Variants in TMTC2 observed in about 807,000 individuals in gnomAD.
The protein encoded by TMTC2 is protein O-mannosyl-transferase TMTC2.
Under a neutral mutation model 82.4 loss-of-function variants are expected in TMTC2, and 43 were observed. The observed-to-expected ratio is 0.52, with a 90% CI of 0.41 to 0.67. TMTC2 has a LOEUF of 0.67. TMTC2 is among the 30% of genes least tolerant of loss of function. TMTC2 has a pLI of 0.00. For missense variants in TMTC2, 919 were observed against 1,012.4 expected, an observed-to-expected ratio of 0.91 and a Z score of 1.25; for synonymous variants, 408 against 381.9, an observed-to-expected ratio of 1.07 and a Z score of -0.80.
chr12:82,867,635 G>A (rs926620939), intron 2 of TMTC2, among the ~76,000 whole-genome samples: 3 of 152,048 alleles, frequency 2.0e-5, no homozygotes, highest in African/African-American at 7.2e-5. Context: ...TCAATTTTGT[G>A]TATTTAAGAA....
intron 11 of TMTC2, among the ~76,000 whole-genome samples, chr12:83,069,813 T>C (rs1369939226): frequency 1.3e-5 from 2 of 152,182 alleles, no homozygotes; most frequent in Non-Finnish European, 2.9e-5. Context: ...GGATTTTTTA[T>C]AGTTTCAGGT....
intron 1 of TMTC2, among the ~76,000 whole-genome samples, chr12:82,847,496 G>A (rs912991709): frequency 6.6e-6 from 1 of 152,066 alleles, no homozygotes; most frequent in East Asian, 1.9e-4. Flanking sequence ...ACATGCACAC[G>A]TATGTTTATT....
At chr12:82,693,009 T>G (rs1188731648) in intron 1 of TMTC2, among the ~76,000 whole-genome samples, 2 of 152,216 alleles carry the variant, frequency 1.3e-5, no homozygotes, top group Non-Finnish European at 1.5e-5. Context: ...TGAATATTAC[T>G]ACATATGAGC....
rs1369210472 is a variant in TMTC2 at position 82,979,365 on chromosome 12, T to C, written c.1949-6560T>C. Among the ~76,000 whole-genome samples the C allele has an allele frequency of 5.3e-5, 8 of 151,868 alleles. No individual in the cohort carries two copies. In the South Asian group the frequency reaches 1.4e-3, roughly 28 times the overall value. ...ATATGATTTTAGTTTAAGGTTATAA[T>C]GAAGCTTGCAAATAATATTTCATAA... On this transcript the variant is annotated intron_variant, in intron 7 of 11. Coordinates refer to ENST00000321196, the MANE Select transcript of TMTC2 (RefSeq NM_152588.3).
intron 2 of TMTC2, among the ~76,000 whole-genome samples, chr12:82,863,169 A>G (rs1871636160): frequency 6.6e-6 from 1 of 151,962 alleles, no homozygotes; most frequent in Admixed American, 6.6e-5. Flanking sequence ...CCCCCCCCCA[A>G]TATCAATTGC....
In TMTC2 at chr12:82,701,312, T is replaced by C. The variant is rs1281197933; in HGVS notation, c.83+13643T>C. On this transcript the variant is annotated intron_variant, in intron 1 of 11. Coordinates refer to ENST00000321196, the MANE Select transcript of TMTC2 (RefSeq NM_152588.3). Reference sequence around the variant, plus strand: ...CCCGAATCTCAGGAATACTTTTATGTACTGTTTGTTTTACAGTAAGCAGCA... The same window carrying C: ...CCCGAATCTCAGGAATACTTTTATGCACTGTTTGTTTTACAGTAAGCAGCA... Among the ~76,000 whole-genome samples, 5 of 152,334 alleles carry C rather than the reference T, an allele frequency of 3.3e-5. No individual in the cohort carries two copies. In the East Asian group the frequency reaches 9.6e-4, roughly 29 times the overall value.
At chr12:82,731,651 A>G (rs1411409533) in intron 1 of TMTC2, among the ~76,000 whole-genome samples, 2 of 152,204 alleles carry the variant, frequency 1.3e-5, no homozygotes, top group African/African-American at 4.8e-5. Flanking sequence ...GCTTTATTTT[A>G]GGCAAAGTGA....
intron 11 of TMTC2, among the ~76,000 whole-genome samples, chr12:83,075,015 G>T (rs1450924855): frequency 6.6e-6 from 1 of 152,176 alleles, no homozygotes; most frequent in Non-Finnish European, 1.5e-5. Flanking sequence ...GGCAGGAATG[G>T]CCTGCTTGGG....
At chr12:82,944,904 T>C (rs1876917417) in intron 4 of TMTC2, among the ~76,000 whole-genome samples, 1 of 152,226 alleles carries the variant, frequency 6.6e-6, no homozygotes, top group Non-Finnish European at 1.5e-5. Context: ...ATGAAATATA[T>C]GGACACAAAG....
chr12:83,037,562 A>G (rs1437198267), intron 9 of TMTC2, among the ~76,000 whole-genome samples: 1 of 152,200 alleles, frequency 6.6e-6, no homozygotes, highest in Non-Finnish European at 1.5e-5. Context: ...GAGCATCAGC[A>G]ATACACAGAT....
intron 1 of TMTC2, among the ~76,000 whole-genome samples, chr12:82,801,414 C>G (rs372551796): frequency 6.6e-6 from 1 of 152,014 alleles, no homozygotes; most frequent in Non-Finnish European, 1.5e-5. Context: ...AAGCTTCCAC[C>G]GTGTAGAAGG....
intron 1 of TMTC2, among the ~76,000 whole-genome samples, chr12:82,854,427 A>G (rs959850512): frequency 1.1e-4 from 16 of 151,998 alleles, no homozygotes; most frequent in Non-Finnish European, 7.4e-5. Flanking sequence ...TGGAACTCCA[A>G]CCATTACATA....
chr12:82,816,144 C>CTT (rs759486155), intron 1 of TMTC2, among the ~76,000 whole-genome samples: 2,745 of 139,150 alleles, frequency 0.02, 97 homozygotes, highest in African/African-American at 0.067. Flanking sequence ...AATGTGCTAT[C>CTT]TTTTTTTTTT....
At chr12:82,742,086 C>T (rs1198078678) in intron 1 of TMTC2, among the ~76,000 whole-genome samples, 1 of 152,124 alleles carries the variant, frequency 6.6e-6, no homozygotes, top group African/African-American at 2.4e-5. Flanking sequence ...ATGTGGAGGC[C>T]TAGTATGGCC....
intron 8 of TMTC2, among the ~76,000 whole-genome samples, chr12:82,995,793 C>CTTTG (rs946279312): frequency 6.6e-6 from 1 of 152,006 alleles, no homozygotes; most frequent in South Asian, 2.1e-4. Context: ...ATTTAAATTG[C>CTTTG]TTTGTTTGTT....
intron 1 of TMTC2, among the ~76,000 whole-genome samples, chr12:82,800,903 G>T (rs1878965465): frequency 6.6e-6 from 1 of 152,156 alleles, no homozygotes; most frequent in South Asian, 2.1e-4. Context: ...CAAAGAGGGG[G>T]TTAAATCAGA....
intron 1 of TMTC2, among the ~76,000 whole-genome samples, chr12:82,801,776 C>T (rs1360267082): frequency 2.0e-5 from 3 of 152,122 alleles, no homozygotes; most frequent in Admixed American, 6.5e-5. Flanking sequence ...TAAAGATCCT[C>T]CAAGTCCCCA....
chr12:82,967,910 T>A (rs2137308204), intron 7 of TMTC2, among the ~76,000 whole-genome samples: 1 of 152,252 alleles, frequency 6.6e-6, no homozygotes. Flanking sequence ...AGGATTATTG[T>A]ACACTTCTAC....
intron 1 of TMTC2, among the ~76,000 whole-genome samples, chr12:82,806,455 AT>A (rs1879245821): frequency 6.6e-6 from 1 of 152,132 alleles, no homozygotes; most frequent in African/African-American, 2.4e-5. Context: ...ATTTTTGTTT[AT>A]TCTCCAGTGG....
Sources: allele counts gnomAD v4.1 joint callset (sites outside exome capture counted in the v4.1 genomes callset), GRCh38; gene constraint gnomAD v4.1.1; transcripts MANE v1.5; gene names NCBI Gene and HGNC (gene_info 2026-07-23, HGNC 2026-07-21).